Variants in HYCC1 observed in about 807,000 individuals in gnomAD.
HYCC1 encodes hyccin.
the HYCC1 span, among the ~76,000 whole-genome samples, chr7:22,910,258 C>T: frequency 6.6e-6 from 1 of 152,138 alleles, no homozygotes; most frequent in Non-Finnish European, 1.5e-5. Flanking sequence ...CCCTTCCCAT[C>T]GTAATGAGTG....
the HYCC1 span, among the ~76,000 whole-genome samples, chr7:22,988,281 T>A: frequency 6.6e-6 from 1 of 152,170 alleles, no homozygotes; most frequent in South Asian, 2.1e-4. Flanking sequence ...CAAAATTGGG[T>A]AAAGTTAATC....
the HYCC1 span, among the ~76,000 whole-genome samples, chr7:22,995,565 G>T: frequency 6.6e-6 from 1 of 152,068 alleles, no homozygotes; most frequent in Non-Finnish European, 1.5e-5. Flanking sequence ...AATGGCCAAA[G>T]CTGGAACAAT....
chr7:22,933,512 T>G, the HYCC1 span, among the ~76,000 whole-genome samples: 2 of 152,190 alleles, frequency 1.3e-5, no homozygotes, highest in Non-Finnish European at 2.9e-5. Context: ...GGTTGCTGTT[T>G]GCATGGTATA....
the HYCC1 span, among the ~76,000 whole-genome samples, chr7:22,946,695 T>C: frequency 6.6e-6 from 1 of 151,968 alleles, no homozygotes; most frequent in South Asian, 2.1e-4. Context: ...ATAACAAAGA[T>C]GGCAAAAAGA....
At chr7:22,948,809 T>C in the HYCC1 span, among the ~76,000 whole-genome samples, 465 of 152,170 alleles carry the variant, frequency 3.1e-3, 1 homozygote, top group Non-Finnish European at 5.0e-3. Context: ...GGTGAGGTAG[T>C]AGTGCACTGC....
chr7:22,957,978 A>T, the HYCC1 span, among the ~76,000 whole-genome samples: 32 of 151,676 alleles, frequency 2.1e-4, no homozygotes, highest in Middle Eastern at 6.8e-3. Flanking sequence ...AACACAATTA[A>T]ATTAAAAAAT....
chr7:22,920,654 T>C, the HYCC1 span, among the ~76,000 whole-genome samples: 1 of 152,094 alleles, frequency 6.6e-6, no homozygotes, highest in African/African-American at 2.4e-5. Context: ...TAAACTCAAA[T>C]GAAAGTATAA....
chr7:23,013,409 T>C, the HYCC1 span, among the ~76,000 whole-genome samples: 1 of 152,152 alleles, frequency 6.6e-6, no homozygotes. Context: ...ACAGTGACCA[T>C]TGTGGCCACC....
the HYCC1 span, among the ~76,000 whole-genome samples, chr7:22,925,183 C>T: frequency 1.5e-4 from 23 of 152,224 alleles, no homozygotes; most frequent in East Asian, 3.9e-4. Flanking sequence ...CCCATCTGTA[C>T]GTCACCATCA....
At chr7:22,970,441 A>G in the HYCC1 span, among the ~76,000 whole-genome samples, 15 of 152,320 alleles carry the variant, frequency 9.8e-5, no homozygotes, top group African/African-American at 3.6e-4. Context: ...AGCTCTTGTG[A>G]TATAGCAGTG....
chr7:22,933,733 C>T, the HYCC1 span, among the ~76,000 whole-genome samples: 1 of 152,136 alleles, frequency 6.6e-6, no homozygotes, highest in Non-Finnish European at 1.5e-5. Context: ...GATTCTGATT[C>T]TCATGAAATT....
the HYCC1 span, chr7:23,013,943 T>C: frequency 2.1e-6 from 1 of 470,392 alleles, no homozygotes. Flanking sequence ...CTGCCGGAGC[T>C]CCACCTGCAG....
chr7:22,912,514 C>T, the HYCC1 span, among the ~76,000 whole-genome samples: 3 of 152,180 alleles, frequency 2.0e-5, no homozygotes, highest in African/African-American at 4.8e-5. Context: ...GGAGGGTCTA[C>T]CCCAAGTGCA....
At chr7:22,915,519 A>G in the HYCC1 span, among the ~76,000 whole-genome samples, 97 of 152,272 alleles carry the variant, frequency 6.4e-4, no homozygotes, top group East Asian at 0.012. Flanking sequence ...CCACTCGCAG[A>G]ATCCCTGGAA....
chr7:22,927,244 C>T, the HYCC1 span, among the ~76,000 whole-genome samples: 2 of 151,800 alleles, frequency 1.3e-5, no homozygotes, highest in Non-Finnish European at 2.9e-5. Flanking sequence ...AGATCTAAAA[C>T]TGACACCCTA....
At chr7:22,906,997 C>G in the HYCC1 span, among the ~76,000 whole-genome samples, 1 of 146,492 alleles carries the variant, frequency 6.8e-6, no homozygotes, top group East Asian at 2.1e-4. Context: ...CCCAGCTACT[C>G]GGGAGGCTGA....
the HYCC1 span, among the ~76,000 whole-genome samples, chr7:22,902,834 A>C: frequency 6.6e-6 from 1 of 152,156 alleles, no homozygotes; most frequent in Non-Finnish European, 1.5e-5. Flanking sequence ...CTAGGATAAA[A>C]TTTTAGTGAC....
At chr7:23,012,783 T>G in the HYCC1 span, among the ~76,000 whole-genome samples, 1 of 152,206 alleles carries the variant, frequency 6.6e-6, no homozygotes, top group Non-Finnish European at 1.5e-5. Flanking sequence ...AGCCTCCCAG[T>G]CTTTCTGACT....
At chr7:22,945,661 A>G in the HYCC1 span, 1 of 1,613,832 alleles carries the variant, frequency 6.2e-7, no homozygotes, top group Admixed American at 1.7e-5. Context: ...TTGGAAGTTC[A>G]GTTCTTTCTG....
Sources: allele counts gnomAD v4.1 joint callset (sites outside exome capture counted in the v4.1 genomes callset), GRCh38; gene constraint gnomAD v4.1.1; transcripts MANE v1.5; gene names NCBI Gene and HGNC (gene_info 2026-07-23, HGNC 2026-07-21).